SPG11: variants seen among roughly 807,000 people sequenced by gnomAD.
SPG11 encodes the protein spatacsin.
In SPG11, 222 loss-of-function variants were observed where a neutral mutation model predicts 274.0. The ratio of observed to expected loss-of-function variants is 0.81; its 90% confidence interval spans 0.73 to 0.91. The LOEUF (loss-of-function observed/expected upper bound fraction) is 0.91, where lower values mean the gene tolerates loss of function less well. Ranked by LOEUF, SPG11 falls within the 40% of genes least tolerant of loss-of-function variation. The probability of loss-of-function intolerance (pLI) is 0.00; values close to 1 mark genes in which losing one functional copy is unlikely to be tolerated. For synonymous variants in SPG11, 1,144 were observed against 1,039.7 expected (o/e 1.10, Z -1.93); for missense variants, 3,114 against 2,872.7 (o/e 1.08, Z -1.92).
At position 44,565,804 on chromosome 15, in the gene SPG11, A is replaced by G. The variant is rs1388733240; in HGVS notation, c.6999+50T>C. On this transcript the variant is annotated intron_variant, in intron 38 of 39. Coordinates refer to ENST00000261866, the MANE Select transcript of SPG11 (RefSeq NM_025137.4). Reference sequence around the variant, plus strand: ...CCTCTGGGTTCCATGAGTGGGACAGAAGGAGAGAGGATGCTAGCAGTGCTG... The same window carrying G: ...CCTCTGGGTTCCATGAGTGGGACAGGAGGAGAGAGGATGCTAGCAGTGCTG... 3 of 1,609,736 alleles carry G rather than the reference A, an allele frequency of 1.9e-6. No individual in the cohort carries two copies. In the South Asian group the frequency reaches 3.3e-5, roughly 18 times the overall value.
intron 28 of SPG11, among the ~76,000 whole-genome samples, chr15:44,588,223 G>T (rs2082816426): frequency 6.6e-6 from 1 of 151,784 alleles, no homozygotes; most frequent in African/African-American, 2.4e-5. Flanking sequence ...AAGTGGAAAA[G>T]ATAGTAAGGC....
intron 14 of SPG11, 48 bp from the exon 15 acceptor site, chr15:44,620,451 G>A: frequency 1.5e-6 from 2 of 1,299,684 alleles, no homozygotes; most frequent in Non-Finnish European, 2.2e-6. Flanking sequence ...TATGTCTATT[G>A]ACATGTAACT....
chr15:44,649,045 T>C (rs1291128986), intron 6 of SPG11, 34 bp from the exon 7 acceptor site: 2 of 1,544,568 alleles, frequency 1.3e-6, no homozygotes, highest in African/African-American at 2.7e-5. Context: ...TTTAACAAAT[T>C]AGATTAGATT....
chr15:44,658,411 CAA>C (rs1416596297), intron 3 of SPG11, among the ~76,000 whole-genome samples: 1 of 150,500 alleles, frequency 6.6e-6, no homozygotes, highest in Non-Finnish European at 1.5e-5. Flanking sequence ...TCATTAGAGA[CAA>C]GAGGTAGACT....
intron 31 of SPG11, 89 bp from the exon 32 acceptor site, chr15:44,573,834 C>A: frequency 8.3e-7 from 1 of 1,212,040 alleles, no homozygotes; most frequent in East Asian, 2.4e-5. Context: ...TGGACAGACT[C>A]CACTGTATTC....
chr15:44,652,548 G>C (rs1186673042), intron 4 of SPG11, among the ~76,000 whole-genome samples: 2 of 152,058 alleles, frequency 1.3e-5, no homozygotes, highest in East Asian at 3.9e-4. Flanking sequence ...TCTTATTTAA[G>C]CCTCTAACAA....
chr15:44,614,139 C>G (rs75812104), intron 16 of SPG11, among the ~76,000 whole-genome samples: 2 of 152,162 alleles, frequency 1.3e-5, no homozygotes, highest in African/African-American at 2.4e-5. Flanking sequence ...AGCTCTTAAA[C>G]CTGTTCTCTT....
chr15:44,576,323 C>G (rs1236501363), intron 30 of SPG11, among the ~76,000 whole-genome samples: 3 of 151,784 alleles, frequency 2.0e-5, no homozygotes, highest in Admixed American at 6.6e-5. Flanking sequence ...CTTAGTACAT[C>G]TGTACAGTGG....
At chr15:44,641,633 A>ACACACACT (rs2084446087) in intron 7 of SPG11, among the ~76,000 whole-genome samples, 1 of 150,126 alleles carries the variant, frequency 6.7e-6, no homozygotes, top group Non-Finnish European at 1.5e-5. Flanking sequence ...ACACACACAC[A>ACACACACT]AAACCTTAAT....
intron 39 of SPG11, among the ~76,000 whole-genome samples, chr15:44,563,948 A>G (rs1037518689): frequency 7.2e-5 from 11 of 152,140 alleles, no homozygotes; most frequent in Non-Finnish European, 1.5e-4. Context: ...TGCTTACCTT[A>G]TAGAGTAAGT....
chr15:44,609,965 C>T lies in SPG11; in HGVS notation c.3291+875G>A, dbSNP rs188729137. 7.0e-4 allele frequency among the ~76,000 whole-genome samples: 102 copies of T among 145,918 alleles called. 1 individual carries two copies. The highest frequency in any genetic ancestry group is 6.6e-3 in the Admixed American group (94 of 14,264). ...TCACAGAGGCTGGAGTACACTGGCGCGATCTCAGCTCACTGCAACCTCTGC... is the reference window on the plus strand; with the variant it reads ...TCACAGAGGCTGGAGTACACTGGCGTGATCTCAGCTCACTGCAACCTCTGC... On this transcript the variant is annotated intron_variant, in intron 18 of 39. Transcript: ENST00000261866.
chr15:44,563,434 G>T, intron 39 of SPG11, 133 bp from the exon 40 acceptor site: 2 of 742,478 alleles, frequency 2.7e-6, no homozygotes, highest in Non-Finnish European at 4.6e-6. Flanking sequence ...CACCTGCTGG[G>T]TTCAAGTGAT....
At chr15:44,602,760 G>C (rs193042316) in intron 20 of SPG11, among the ~76,000 whole-genome samples, 48 of 152,166 alleles carry the variant, frequency 3.2e-4, no homozygotes, top group African/African-American at 1.1e-3. Flanking sequence ...GGGATTATAG[G>C]CATGAGTCAC....
intron 14 of SPG11, chr15:44,621,375 A>C (rs2083745606): frequency 6.1e-6 from 1 of 163,270 alleles, no homozygotes; most frequent in Non-Finnish European, 1.3e-5. Flanking sequence ...CATAATAGTA[A>C]GCCAGAATTT....
Position 44,592,279 on chromosome 15 carries a change from C to T in SPG11, c.4743+52G>A, listed in dbSNP as rs768826188. On this transcript the variant is annotated intron_variant, in intron 27 of 39. Transcript: ENST00000261866. ...TTAAACAAAAACAAAAAAGTCCATG[C>T]ATGCCAACCAAGTGCAGATCAGTGA... 6.0e-5 allele frequency: 67 copies of T among 1,108,770 alleles called. No homozygotes were observed. In the Admixed American group the frequency reaches 8.1e-4, roughly 13 times the overall value. The allele number at this position is 1,108,770 out of a possible 1,614,324, so 68.7% of individuals were successfully genotyped here.
In SPG11 at chr15:44,581,387, T is replaced by C. The variant is rs1454165571; in HGVS notation, c.5866+2427A>G. Among the ~76,000 whole-genome samples the C allele has an allele frequency of 4.6e-5, 7 of 152,068 alleles. No individual in the cohort carries two copies. The South Asian group carries it at 1.2e-3, about 27-fold the overall frequency. ...ACACCTGGCTAATTTTTGTATTTTTTGTAGTGACGGGGTTTTGCCATGTTG... is the reference window on the plus strand; with the variant it reads ...ACACCTGGCTAATTTTTGTATTTTTCGTAGTGACGGGGTTTTGCCATGTTG... On this transcript the variant is annotated intron_variant, in intron 30 of 39. Coordinates refer to ENST00000261866, the MANE Select transcript of SPG11 (RefSeq NM_025137.4).
At chr15:44,614,139 C>T (rs75812104) in intron 16 of SPG11, among the ~76,000 whole-genome samples, 9,577 of 152,262 alleles carry the variant, frequency 0.063, 791 homozygotes, top group African/African-American at 0.18. Context: ...AGCTCTTAAA[C>T]CTGTTCTCTT....
At chr15:44,608,725 T>C (rs749499545) in intron 18 of SPG11, 120 bp from the exon 19 acceptor site, 5 of 915,720 alleles carry the variant, frequency 5.5e-6, no homozygotes, top group Non-Finnish European at 8.2e-6. Context: ...GTAGTGAATA[T>C]AGCATTAGAC....
intron 18 of SPG11, among the ~76,000 whole-genome samples, chr15:44,610,567 G>A (rs962830977): frequency 6.6e-6 from 1 of 151,494 alleles, no homozygotes; most frequent in African/African-American, 2.4e-5. Flanking sequence ...TAGTACAGAT[G>A]GTGTTTCACC....
Sources: gnomAD v4.1 joint callset for allele counts (sites outside exome capture counted in the v4.1 genomes callset) on GRCh38, gnomAD v4.1.1 for gene constraint, MANE v1.5 for transcripts, NCBI Gene and HGNC (gene_info 2026-07-23, HGNC 2026-07-21) for gene names.